PREX2: variants seen among roughly 807,000 people sequenced by gnomAD.
PREX2 encodes phosphatidylinositol 3,4,5-trisphosphate-dependent Rac exchanger 2 protein.
Under a neutral mutation model 203.2 loss-of-function variants are expected in PREX2, and 107 were observed. That is an observed-to-expected ratio of 0.53 (90% CI 0.45 to 0.62). The LOEUF (loss-of-function observed/expected upper bound fraction) is 0.62. Among genes scored for constraint, PREX2 ranks in the 20% least tolerant of loss-of-function variants. PREX2 has a pLI of 0.00. For synonymous variants in PREX2, 672 were observed against 663.6 expected (o/e 1.01, Z -0.19); for missense variants, 1,777 against 1,955.9 (o/e 0.91, Z 1.72).
At chr8:68,148,044 A>G (rs1811362726) in intron 34 of PREX2, among the ~76,000 whole-genome samples, 1 of 152,098 alleles carries the variant, frequency 6.6e-6, no homozygotes, top group Non-Finnish European at 1.5e-5. Context: ...GTCAGGAGTT[A>G]GAGACAAGCC....
chr8:68,027,359 T>C, intron 5 of PREX2, 36 bp downstream of exon 5: 1 of 1,239,748 alleles, frequency 8.1e-7, no homozygotes, highest in South Asian at 1.2e-5. Context: ...GCCATTTTCT[T>C]GTATCTACAT....
At chr8:68,110,972 T>A (rs1292437911) in intron 25 of PREX2, 1 of 422,708 alleles carries the variant, frequency 2.4e-6, no homozygotes, top group East Asian at 7.6e-5. Flanking sequence ...AAAAGGAGAG[T>A]ATTTTTTTAA....
At chr8:68,158,286 A>G (rs1811586177) in intron 35 of PREX2, among the ~76,000 whole-genome samples, 1 of 151,884 alleles carries the variant, frequency 6.6e-6, no homozygotes, top group Non-Finnish European at 1.5e-5. Flanking sequence ...TTCTATCTTG[A>G]GCCTTAATAA....
At chr8:68,067,766 G>A (rs1276449900) in intron 11 of PREX2, among the ~76,000 whole-genome samples, 2 of 152,070 alleles carry the variant, frequency 1.3e-5, no homozygotes, top group African/African-American at 4.8e-5. Flanking sequence ...TTGAACAGAA[G>A]TAGAGAAAGT....
chr8:67,952,191 C>A lies in PREX2; in HGVS notation c.-204C>A. ...CCCAGGAGTTTCCTCTGCAGAGCCCCGCGCCCCCCGCGCCGGGATTTCAGC... is the reference window on the plus strand; with the variant it reads ...CCCAGGAGTTTCCTCTGCAGAGCCCAGCGCCCCCCGCGCCGGGATTTCAGC... On this transcript the variant is annotated 5_prime_UTR_variant, in exon 1 of 40. Transcript: ENST00000288368. 2.5e-6 allele frequency: 1 copy of A among 404,472 alleles called. No individual in the cohort carries two copies. The highest frequency in any genetic ancestry group is 4.1e-6 in the Non-Finnish European group (1 of 241,242). 25.1% of individuals were successfully genotyped at this position (404,472 alleles called of 1,614,324 possible).
intron 35 of PREX2, among the ~76,000 whole-genome samples, chr8:68,183,469 T>G (rs1189872412): frequency 1.3e-5 from 2 of 152,174 alleles, no homozygotes; most frequent in Non-Finnish European, 2.9e-5. Context: ...AGGATTTGCT[T>G]CTTTTCCTGT....
At chr8:68,003,205 G>A (rs752467110) in intron 1 of PREX2, among the ~76,000 whole-genome samples, 3 of 151,988 alleles carry the variant, frequency 2.0e-5, no homozygotes, top group Non-Finnish European at 4.4e-5. Flanking sequence ...TTAAGGTGGT[G>A]ATGTATCTCT....
intron 39 of PREX2, among the ~76,000 whole-genome samples, chr8:68,230,148 A>G (rs1333763090): frequency 2.6e-5 from 4 of 151,678 alleles, no homozygotes; most frequent in Admixed American, 6.6e-5. Flanking sequence ...TTTGTTAACC[A>G]GGAGTTATAA....
chr8:68,071,449 A>T (rs1382621511), intron 13 of PREX2, among the ~76,000 whole-genome samples: 2 of 152,198 alleles, frequency 1.3e-5, no homozygotes, highest in African/African-American at 4.8e-5. Context: ...AAACATGGAG[A>T]TAGATTTAAA....
At chr8:68,160,847 C>A (rs560006454) in intron 35 of PREX2, among the ~76,000 whole-genome samples, 2 of 152,044 alleles carry the variant, frequency 1.3e-5, no homozygotes, top group African/African-American at 4.8e-5. Context: ...GAATCTTTCT[C>A]TTTTTTGACA....
At chr8:67,961,333 G>A (rs987263160) in intron 1 of PREX2, among the ~76,000 whole-genome samples, 1 of 151,528 alleles carries the variant, frequency 6.6e-6, no homozygotes, top group African/African-American at 2.4e-5. Flanking sequence ...CATTAAAAGT[G>A]TTATTAAATT....
intron 3 of PREX2, 32 bp downstream of exon 3, chr8:68,019,703 C>G: frequency 1.9e-6 from 3 of 1,584,978 alleles, no homozygotes; most frequent in Middle Eastern, 1.7e-4. Context: ...TTTAAAAGTT[C>G]TTTTCCCCTA....
intron 18 of PREX2, among the ~76,000 whole-genome samples, chr8:68,084,311 C>A (rs535256559): frequency 3.2e-4 from 48 of 152,150 alleles, no homozygotes; most frequent in African/African-American, 1.2e-3. Context: ...AGTTTTAAAG[C>A]AAATGAAATT....
intron 35 of PREX2, among the ~76,000 whole-genome samples, chr8:68,172,740 A>G (rs1811904840): frequency 6.6e-6 from 1 of 152,144 alleles, no homozygotes. Context: ...CTAAAGGGGA[A>G]AGGAGAAATT....
At chr8:68,170,815 G>C (rs1414713323) in intron 35 of PREX2, among the ~76,000 whole-genome samples, 1 of 151,818 alleles carries the variant, frequency 6.6e-6, no homozygotes, top group East Asian at 1.9e-4. Context: ...ATCCCTATCA[G>C]CCTCATTTTT....
At chr8:68,182,333 A>G (rs1812100764) in intron 35 of PREX2, among the ~76,000 whole-genome samples, 1 of 152,126 alleles carries the variant, frequency 6.6e-6, no homozygotes. Context: ...GTGACTTGCA[A>G]GGGAGACCCT....
At chr8:68,074,819 C>G (rs932791646) in intron 14 of PREX2, among the ~76,000 whole-genome samples, 8 of 152,124 alleles carry the variant, frequency 5.3e-5, no homozygotes, top group African/African-American at 1.7e-4. Context: ...ACTGGCTCTA[C>G]TATGATTGGA....
At chr8:68,080,680 G>A (rs1376957194) in intron 16 of PREX2, 66 bp from the exon 17 acceptor site, 10 of 1,442,148 alleles carry the variant, frequency 6.9e-6, no homozygotes, top group African/African-American at 2.9e-5. Context: ...ACATTACTTC[G>A]TTCTGTTTGA....
intron 32 of PREX2, among the ~76,000 whole-genome samples, chr8:68,136,612 C>T (rs570991344): frequency 5.8e-4 from 89 of 152,312 alleles, no homozygotes; most frequent in African/African-American, 2.0e-3. Flanking sequence ...ACTGATTCTT[C>T]AGTCCTGTCC....
Sources: gnomAD v4.1 joint callset for allele counts (sites outside exome capture counted in the v4.1 genomes callset) on GRCh38, gnomAD v4.1.1 for gene constraint, MANE v1.5 for transcripts, NCBI Gene and HGNC (gene_info 2026-07-23, HGNC 2026-07-21) for gene names.